The following PCDHGA7 variants were observed in gnomAD, a reference collection of about 807,000 sequenced individuals.
PCDHGA7 encodes the protein protocadherin gamma subfamily A, 7, also known as protocadherin gamma-A7.
PCDHGA7 carries 44 observed loss-of-function variants against 58.3 expected under a neutral mutation model. The observed-to-expected ratio is 0.75, with a 90% CI of 0.59 to 0.97. PCDHGA7 has a LOEUF of 0.97. Among genes scored for constraint, PCDHGA7 ranks in the 50% least tolerant of loss-of-function variants. The pLI is 0.00. For synonymous variants in PCDHGA7, 516 were observed against 504.2 expected, an observed-to-expected ratio of 1.02 and a Z score of -0.31; for missense variants, 1,266 against 1,188.7, an observed-to-expected ratio of 1.06 and a Z score of -0.96.
At chr5:141,501,103 G>A (rs1449600108) in intron 2 of PCDHGA7, among the ~76,000 whole-genome samples, 9 of 152,078 alleles carry the variant, frequency 5.9e-5, no homozygotes, top group African/African-American at 1.4e-4. Context: ...TCTTGACCTC[G>A]TGATCCGCCT....
chr5:141,387,885 A>G, intron 1 of PCDHGA7: 2 of 1,578,800 alleles, frequency 1.3e-6, no homozygotes, highest in Non-Finnish European at 1.7e-6. Context: ...AGCAAGAGGG[A>G]TGGGGAGCGG....
At chr5:141,450,460 TTATA>T (rs1234300844) in intron 1 of PCDHGA7, among the ~76,000 whole-genome samples, 1 of 152,104 alleles carries the variant, frequency 6.6e-6, no homozygotes, top group Non-Finnish European at 1.5e-5. Flanking sequence ...CCTCGTGATT[TTATA>T]TATAGAGTTT....
rs753845173 is a variant in PCDHGA7, at chr5:141,490,873, C to T, written c.2425-3934C>T. On this transcript the variant is annotated intron_variant, in intron 1 of 3. Coordinates refer to ENST00000518325, the MANE Select transcript of PCDHGA7 (RefSeq NM_018920.4). The surrounding 1 kb of genome is among the most constrained non-coding windows in gnomAD (Gnocchi z 5.4). Reference sequence around the variant, plus strand: ...TCGAGACTCCGGCTCTCCCCCATTGCATGCCAACACATCTCTGCATGTGTT... The same window carrying T: ...TCGAGACTCCGGCTCTCCCCCATTGTATGCCAACACATCTCTGCATGTGTT... 5.6e-6 allele frequency: 9 copies of T among 1,613,884 alleles called. No homozygotes were observed. The highest frequency in any genetic ancestry group is 7.6e-6 in the Non-Finnish European group (9 of 1,179,908).
chr5:141,427,109 C>A lies in PCDHGA7; in HGVS notation c.2424+41786C>A, dbSNP rs141512367. On this transcript the variant is annotated intron_variant, in intron 1 of 3. Coordinates refer to ENST00000518325, the MANE Select transcript of PCDHGA7 (RefSeq NM_018920.4). ...AGGATGAGGGTGTCAATGCGGAGAT[C>A]ACCTACTCTTTCAAATCCCTACGAG... 1,737 of 457,784 alleles carry A rather than the reference C, an allele frequency of 3.8e-3. 17 individuals carry two copies. Among genetic ancestry groups the A allele is most frequent in the Admixed American group, 0.01 (426 of 42,600 alleles). 28.4% of individuals were successfully genotyped at this position (457,784 alleles called of 1,614,324 possible). A position where few individuals can be genotyped will look rare whatever the true frequency, so the allele number is the denominator to read the frequency against.
chr5:141,385,635 C>G (rs148433768), intron 1 of PCDHGA7: 13 of 870,194 alleles, frequency 1.5e-5, no homozygotes, highest in African/African-American at 1.8e-5. Context: ...TGAATCGAGT[C>G]TTTCATATTG....
intron 1 of PCDHGA7, chr5:141,390,007 C>G (rs778827419): frequency 1.9e-6 from 3 of 1,614,058 alleles, no homozygotes; most frequent in South Asian, 2.2e-5. Context: ...ATGATTCTGG[C>G]CATTGCCTTG....
In PCDHGA7 at chr5:141,490,639, C is replaced by T. The variant is rs1345892739; in HGVS notation, c.2425-4168C>T. 25 of 1,614,200 alleles carry T rather than the reference C, an allele frequency of 1.5e-5. No homozygotes were observed. Among genetic ancestry groups the T allele is most frequent in the East Asian group, 2.2e-5 (1 of 44,878 alleles). ...TTACACTGCTTACATCCTAGAAAAC[C>T]GGCCTCCGGGCTCCCTTCTTTGCAC... On this transcript the variant is annotated intron_variant, in intron 1 of 3. Transcript: ENST00000518325. This position sits in a 1 kb window ranked among gnomAD's most constrained non-coding sequence, Gnocchi z 5.4.
In PCDHGA7 at chr5:141,477,868, C is replaced by T. The variant is rs1450078298; in HGVS notation, c.2425-16939C>T. 2 of 1,613,750 alleles carry T rather than the reference C, an allele frequency of 1.2e-6. No individual in the cohort carries two copies. Among genetic ancestry groups the T allele is most frequent in the Admixed American group, 3.3e-5 (2 of 59,988 alleles). On this transcript the variant is annotated intron_variant, in intron 1 of 3. Coordinates refer to ENST00000518325, the MANE Select transcript of PCDHGA7 (RefSeq NM_018920.4). This position sits in a 1 kb window ranked among gnomAD's most constrained non-coding sequence, Gnocchi z 4.9. ...CGGTGGAGATGCTGCCTCGAGGTAC[C>T]TCAGCTGGCCACCTAGTGTCACGGG...
chr5:141,391,186 A>G (rs772016494), intron 1 of PCDHGA7: 1 of 152,220 alleles, frequency 6.6e-6, no homozygotes, highest in Non-Finnish European at 1.5e-5. Flanking sequence ...TGGTGTGCAT[A>G]CAAAATATAT....
intron 1 of PCDHGA7, chr5:141,427,590 C>A: frequency 1.5e-6 from 1 of 679,008 alleles, no homozygotes; most frequent in Non-Finnish European, 2.7e-6. Flanking sequence ...CAGCACAAGC[C>A]TCACCCTACG....
intron 1 of PCDHGA7, chr5:141,421,637 A>T: frequency 6.2e-7 from 1 of 1,613,810 alleles, no homozygotes; most frequent in Non-Finnish European, 8.5e-7. Flanking sequence ...TTCCAGGAGG[A>T]CGAAGTGGAG....
Position 141,477,914 on chromosome 5 carries a change from G to T in PCDHGA7, c.2425-16893G>T. On this transcript the variant is annotated intron_variant, in intron 1 of 3. Coordinates refer to ENST00000518325, the MANE Select transcript of PCDHGA7 (RefSeq NM_018920.4). The surrounding 1 kb of genome is among the most constrained non-coding windows in gnomAD (Gnocchi z 4.9). ...ACGGGTGGTAGGCTGGGACGCGGAT[G>T]CAGGGCACAATGCCTGGCTCTCCTA... 2 of 1,614,204 alleles carry T rather than the reference G, an allele frequency of 1.2e-6. No homozygotes were observed. The highest frequency in any genetic ancestry group is 1.7e-6 in the Non-Finnish European group (2 of 1,180,044).
intron 1 of PCDHGA7, chr5:141,441,529 A>C (rs1042479748): frequency 4.6e-5 from 8 of 172,366 alleles, no homozygotes; most frequent in African/African-American, 1.9e-4. Flanking sequence ...GGCCAAGAAC[A>C]ATCTTCCCAA....
At chr5:141,427,007 C>T (rs1215109574) in intron 1 of PCDHGA7, 2 of 456,668 alleles carry the variant, frequency 4.4e-6, no homozygotes, top group Admixed American at 2.3e-5. Flanking sequence ...CAGTTTTTAG[C>T]CAGGATGTAT....
In PCDHGA7 at chr5:141,490,291, C is replaced by T; in HGVS notation, c.2425-4516C>T. 6.2e-7 allele frequency: 1 copy of T among 1,614,212 alleles called. No homozygotes were observed. Among genetic ancestry groups the T allele is most frequent in the Non-Finnish European group, 8.5e-7 (1 of 1,180,048 alleles). On this transcript the variant is annotated intron_variant, in intron 1 of 3. Transcript: ENST00000518325. The surrounding 1 kb of genome is among the most constrained non-coding windows in gnomAD (Gnocchi z 5.4). ...TGTCAATGACAATGCCCCAGAGGTG[C>T]TATTGGCCTCTTTGGCCAACCCTGT...
chr5:141,395,022 G>T, intron 1 of PCDHGA7: 1 of 1,614,128 alleles, frequency 6.2e-7, no homozygotes, highest in Non-Finnish European at 8.5e-7. Context: ...AGGCGTGCCT[G>T]CCTCACATTT....
At chr5:141,450,792 G>T (rs1222162745) in intron 1 of PCDHGA7, among the ~76,000 whole-genome samples, 2 of 149,686 alleles carry the variant, frequency 1.3e-5, no homozygotes, top group Non-Finnish European at 3.0e-5. Context: ...CGGACCTCAT[G>T]ATTGTATTTA....
At chr5:141,463,583 G>A (rs1444995569) in intron 1 of PCDHGA7, among the ~76,000 whole-genome samples, 1 of 151,598 alleles carries the variant, frequency 6.6e-6, no homozygotes, top group African/African-American at 2.4e-5. Flanking sequence ...CGAGTAGCTG[G>A]GACTACAGGT....
intron 1 of PCDHGA7, chr5:141,410,121 A>G (rs1239244343): frequency 1.9e-6 from 3 of 1,612,642 alleles, no homozygotes; most frequent in Non-Finnish European, 2.5e-6. Flanking sequence ...GCAGCCCGCC[A>G]GCGCCTGCTG....
Sources: gnomAD v4.1 joint callset for allele counts (sites outside exome capture counted in the v4.1 genomes callset) on GRCh38, gnomAD v4.1.1 for gene constraint, Gnocchi (gnomAD v3.1) non-coding constraint, MANE v1.5 for transcripts, NCBI Gene and HGNC (gene_info 2026-07-23, HGNC 2026-07-21) for gene names.